KCNQ5: variants seen among roughly 807,000 people sequenced by gnomAD.
KCNQ5 encodes potassium voltage-gated channel subfamily Q member 5, also known as potassium voltage-gated channel subfamily KQT member 5.
A neutral mutation model predicts 98.2 loss-of-function variants in KCNQ5; 30 were observed. The observed-to-expected ratio is 0.31, with a 90% CI of 0.23 to 0.41. The LOEUF (loss-of-function observed/expected upper bound fraction) is 0.41. Ranked by LOEUF, KCNQ5 falls within the 10% of genes least tolerant of loss-of-function variation. The pLI is 1.00. For missense variants in KCNQ5, 835 were observed against 1,182.5 expected, an observed-to-expected ratio of 0.71 and a Z score of 4.31; for synonymous variants, 458 against 449.4, an observed-to-expected ratio of 1.02 and a Z score of -0.24.
intron 1 of KCNQ5, among the ~76,000 whole-genome samples, chr6:72,701,074 G>C (rs536194686): frequency 6.6e-6 from 1 of 152,182 alleles, no homozygotes; most frequent in South Asian, 2.1e-4. Context: ...TAATACCAGA[G>C]ATATGAGGGG....
chr6:73,073,612 G>A (rs1157269588), intron 3 of KCNQ5, among the ~76,000 whole-genome samples: 3 of 152,200 alleles, frequency 2.0e-5, no homozygotes, highest in Non-Finnish European at 4.4e-5. Context: ...ATCAATAATT[G>A]TGATGGATGG....
chr6:72,644,130 A>C (rs989766391), intron 1 of KCNQ5, among the ~76,000 whole-genome samples: 1 of 152,214 alleles, frequency 6.6e-6, no homozygotes, highest in Non-Finnish European at 1.5e-5. Flanking sequence ...CCATAAGGTC[A>C]CTGCAAATAC....
Position 73,159,981 on chromosome 6 carries a change from C to T in KCNQ5, c.1469-9765C>T, listed in dbSNP as rs28565309. On this transcript the variant is annotated intron_variant, in intron 10 of 13. Transcript: ENST00000370398. Reference sequence around the variant, plus strand: ...CCTCCACAGACAAAACAAGTGTTTCCGCTATGGTTTTTTTTGTTTGTTTGT... The same window carrying T: ...CCTCCACAGACAAAACAAGTGTTTCTGCTATGGTTTTTTTTGTTTGTTTGT... 7.0e-3 allele frequency among the ~76,000 whole-genome samples: 1,053 copies of T among 149,570 alleles called. 5 individuals are homozygous for T. The highest frequency in any genetic ancestry group is 0.015 in the South Asian group (73 of 4,772).
intron 1 of KCNQ5, among the ~76,000 whole-genome samples, chr6:72,939,388 C>T (rs1766117665): frequency 6.6e-6 from 1 of 152,164 alleles, no homozygotes; most frequent in Non-Finnish European, 1.5e-5. Flanking sequence ...CACTTTTCTG[C>T]TTTAGGGAAA....
At chr6:72,789,081 A>C (rs1773899335) in intron 1 of KCNQ5, among the ~76,000 whole-genome samples, 1 of 152,164 alleles carries the variant, frequency 6.6e-6, no homozygotes, top group Non-Finnish European at 1.5e-5. Context: ...AGTCTTCCAG[A>C]TGATACCAAT....
In KCNQ5 at chr6:73,195,437, A is replaced by G. The variant is rs1765755794; in HGVS notation, c.*23A>G. The G allele has an allele frequency of 2.5e-6, 4 of 1,604,174 alleles. No homozygotes were observed. Among genetic ancestry groups the G allele is most frequent in the Non-Finnish European group, 3.4e-6 (4 of 1,173,972 alleles). Reference sequence around the variant, plus strand: ...TAAGTTCTTCATTTTCTTTCCAGGCATAGCAGTTCTTTAGCCATACATATC... The same window carrying G: ...TAAGTTCTTCATTTTCTTTCCAGGCGTAGCAGTTCTTTAGCCATACATATC... On this transcript the variant is annotated 3_prime_UTR_variant, in exon 14 of 14. Transcript: ENST00000370398.
chr6:72,858,541 G>A (rs531641851), intron 1 of KCNQ5, among the ~76,000 whole-genome samples: 183 of 151,418 alleles, frequency 1.2e-3, no homozygotes, highest in African/African-American at 3.8e-3. Flanking sequence ...AGTAACCTTC[G>A]AAATGTGATT....
chr6:72,876,369 T>G (rs1000971354), intron 1 of KCNQ5, among the ~76,000 whole-genome samples: 3 of 152,102 alleles, frequency 2.0e-5, no homozygotes, highest in Admixed American at 6.5e-5. Flanking sequence ...AACCACAAAT[T>G]GGATATATCT....
chr6:72,955,920 TCAAAACAAAA>T (rs550603727), intron 1 of KCNQ5, among the ~76,000 whole-genome samples: 402 of 151,926 alleles, frequency 2.6e-3, no homozygotes, highest in Non-Finnish European at 2.8e-3. Context: ...AGACTCCATC[TCAAAACAAAA>T]CAAAACAAAA....
intron 1 of KCNQ5, among the ~76,000 whole-genome samples, chr6:72,995,193 G>A (rs1315547733): frequency 6.6e-6 from 1 of 151,888 alleles, no homozygotes; most frequent in African/African-American, 2.4e-5. Flanking sequence ...ACATGGTGAA[G>A]CCCCATCTCT....
intron 9 of KCNQ5, among the ~76,000 whole-genome samples, chr6:73,125,076 A>T (rs1466358414): frequency 6.8e-6 from 1 of 147,006 alleles, no homozygotes; most frequent in Non-Finnish European, 1.5e-5. Context: ...TTTTTTGGCA[A>T]GATGAAACCA....
chr6:73,123,087 G>A (rs543376431), intron 8 of KCNQ5, among the ~76,000 whole-genome samples: 2 of 150,880 alleles, frequency 1.3e-5, no homozygotes, highest in Non-Finnish European at 2.9e-5. Flanking sequence ...TGATGTGCAA[G>A]GCATAGTTCT....
At chr6:73,176,978 C>T (rs1778236529) in intron 11 of KCNQ5, among the ~76,000 whole-genome samples, 1 of 152,168 alleles carries the variant, frequency 6.6e-6, no homozygotes, top group African/African-American at 2.4e-5. Context: ...GGCTCACAAA[C>T]AGGAGCTGCA....
At chr6:72,944,172 G>A (rs1209991933) in intron 1 of KCNQ5, among the ~76,000 whole-genome samples, 3 of 152,116 alleles carry the variant, frequency 2.0e-5, no homozygotes, top group Non-Finnish European at 4.4e-5. Context: ...TATTCAATGA[G>A]CATTCATTAC....
intron 1 of KCNQ5, among the ~76,000 whole-genome samples, chr6:72,849,145 T>C (rs1046191136): frequency 4.7e-5 from 7 of 148,326 alleles, no homozygotes; most frequent in East Asian, 4.0e-4. Flanking sequence ...CACACACACA[T>C]ATGCACACGC....
chr6:72,681,968 C>T (rs535297577), intron 1 of KCNQ5, among the ~76,000 whole-genome samples: 5 of 152,266 alleles, frequency 3.3e-5, no homozygotes, highest in East Asian at 1.9e-4. Flanking sequence ...TCCTGGAGTT[C>T]CCCAGGACTT....
At chr6:73,159,621 T>A (rs191547609) in intron 10 of KCNQ5, among the ~76,000 whole-genome samples, 2 of 152,354 alleles carry the variant, frequency 1.3e-5, no homozygotes, top group Non-Finnish European at 2.9e-5. Flanking sequence ...TAGTTATTAT[T>A]CTTTTGCAAA....
At chr6:72,966,441 G>A (rs989258264) in intron 1 of KCNQ5, among the ~76,000 whole-genome samples, 5 of 151,720 alleles carry the variant, frequency 3.3e-5, no homozygotes, top group Admixed American at 2.0e-4. Context: ...GGTGGCAGGC[G>A]CCTGTAATCC....
chr6:73,010,755 A>G (rs987299410), intron 2 of KCNQ5, among the ~76,000 whole-genome samples: 1 of 151,992 alleles, frequency 6.6e-6, no homozygotes, highest in African/African-American at 2.4e-5. Context: ...TTTAGAAAGG[A>G]AACTATGAAA....
Sources: gnomAD v4.1 joint callset for allele counts (sites outside exome capture counted in the v4.1 genomes callset) on GRCh38, gnomAD v4.1.1 for gene constraint, MANE v1.5 for transcripts, NCBI Gene and HGNC (gene_info 2026-07-23, HGNC 2026-07-21) for gene names.